The following NUP205 variants were observed in gnomAD, a reference collection of about 807,000 sequenced individuals.
NUP205 encodes the protein nucleoporin 205.
In NUP205, 76 loss-of-function variants were observed where a neutral mutation model predicts 253.8. That is an observed-to-expected ratio of 0.30 (90% CI 0.25 to 0.36). The LOEUF (loss-of-function observed/expected upper bound fraction) is 0.36, where lower values mean the gene tolerates loss of function less well. NUP205 is among the 10% of genes least tolerant of loss of function. NUP205 has a pLI of 1.00. For missense variants in NUP205, 2,162 were observed against 2,425.5 expected (o/e 0.89, Z 2.28); for synonymous variants, 832 against 850.1 (o/e 0.98, Z 0.37).
chr7:135,646,773 G>C (rs999865761), intron 42 of NUP205, among the ~76,000 whole-genome samples: 1 of 152,126 alleles, frequency 6.6e-6, no homozygotes, highest in African/African-American at 2.4e-5. Flanking sequence ...AGCCTCAATT[G>C]CTTCATCTAA....
At chr7:135,603,111 A>ATT in intron 18 of NUP205, 117 bp downstream of exon 18, 1 of 485,910 alleles carries the variant, frequency 2.1e-6, no homozygotes, top group Non-Finnish European at 3.1e-6. Flanking sequence ...GCCTCATTTT[A>ATT]CTTTTTTTTT....
chr7:135,572,540 CTTG>C lies in NUP205; in HGVS notation c.172-1108_172-1106del, dbSNP rs1163382966. Among the ~76,000 whole-genome samples the C allele has an allele frequency of 9.2e-5, 14 of 152,172 alleles. No homozygotes were observed. In the East Asian group the frequency reaches 2.3e-3, roughly 25 times the overall value. On this transcript the variant is annotated intron_variant, in intron 2 of 42. Transcript: ENST00000285968. The stretch of plus-strand genomic sequence containing the variant: ...GGATTCAAACTTGGAAAATGCTTTT[CTTG>C]TTGTTTGGCACTTTTCCTTTGCGTG...
chr7:135,622,747 G>T, intron 30 of NUP205, 30 bp from the exon 31 acceptor site: 1 of 1,607,440 alleles, frequency 6.2e-7, no homozygotes, highest in Non-Finnish European at 8.5e-7. Context: ...CTTTTTACTG[G>T]AGTGTTTTTT....
chr7:135,636,658 T>G (rs958954155), intron 36 of NUP205, among the ~76,000 whole-genome samples: 2 of 152,164 alleles, frequency 1.3e-5, no homozygotes, highest in African/African-American at 4.8e-5. Flanking sequence ...TAGATAGAAC[T>G]ATTTTGGCAA....
At chr7:135,581,020 ATAGT>A (rs1340140944) in intron 7 of NUP205, among the ~76,000 whole-genome samples, 1 of 152,124 alleles carries the variant, frequency 6.6e-6, no homozygotes, top group Non-Finnish European at 1.5e-5. Context: ...ATAAGCTTTA[ATAGT>A]TAGGGGTATT....
At chr7:135,561,089 A>G (rs1805568534) in intron 1 of NUP205, among the ~76,000 whole-genome samples, 1 of 152,200 alleles carries the variant, frequency 6.6e-6, no homozygotes, top group African/African-American at 2.4e-5. Context: ...TTATGCCTGT[A>G]ATCCCAGCAC....
At chr7:135,607,890 C>A (rs2129490770) in intron 22 of NUP205, among the ~76,000 whole-genome samples, 1 of 152,192 alleles carries the variant, frequency 6.6e-6, no homozygotes, top group East Asian at 1.9e-4. Context: ...CAGCCTCAAC[C>A]TCCCCTGGAT....
At chr7:135,561,531 T>G (rs1805579807) in intron 1 of NUP205, among the ~76,000 whole-genome samples, 1 of 152,228 alleles carries the variant, frequency 6.6e-6, no homozygotes, top group Non-Finnish European at 1.5e-5. Context: ...CAGCAGTGAC[T>G]ACTTCAGACC....
Position 135,606,979 on chromosome 7 carries a change from T to G in NUP205, c.3070+64T>G, listed in dbSNP as rs972502211. The G allele has an allele frequency of 4.1e-6, 6 of 1,472,300 alleles. No individual in the cohort carries two copies. In the African/African-American group the frequency reaches 8.4e-5, roughly 21 times the overall value. 91.2% of individuals were successfully genotyped at this position (1,472,300 alleles called of 1,614,324 possible). On this transcript the variant is annotated intron_variant, in intron 21 of 42. Coordinates refer to ENST00000285968, the MANE Select transcript of NUP205 (RefSeq NM_015135.3). ...ATTTGTGTATCTCAGGGGTCACTGA[T>G]TGCATTCTGGGCTCATGGGATAATT...
chr7:135,562,997 ATG>A (rs1172720799), intron 1 of NUP205, among the ~76,000 whole-genome samples: 1 of 152,024 alleles, frequency 6.6e-6, no homozygotes, highest in African/African-American at 2.4e-5. Flanking sequence ...CCTGGAATGC[ATG>A]TCTTCACCTC....
chr7:135,565,771 C>A (rs78644281), intron 1 of NUP205, among the ~76,000 whole-genome samples: 3,819 of 152,302 alleles, frequency 0.025, 79 homozygotes, highest in South Asian at 0.077. Context: ...ATCAACCACA[C>A]TAGAACACCA....
At chr7:135,640,266 A>G (rs1794895296) in intron 38 of NUP205, among the ~76,000 whole-genome samples, 1 of 152,242 alleles carries the variant, frequency 6.6e-6, no homozygotes, top group African/African-American at 2.4e-5. Context: ...ATTCAACCTT[A>G]TCCTATATAA....
chr7:135,574,938 A>G (rs1806111632), intron 3 of NUP205, among the ~76,000 whole-genome samples: 1 of 152,208 alleles, frequency 6.6e-6, no homozygotes, highest in South Asian at 2.1e-4. Context: ...GCCTGCACTA[A>G]AAGAAGTATG....
At position 135,577,977 on chromosome 7, in the gene NUP205, A is replaced by G; in HGVS notation, c.830A>G (p.Tyr277Cys). ...VNLALLMALLYCFDISFIEQS... is the reference protein window; with the variant it reads ...VNLALLMALLCCFDISFIEQS... ...CTGGCTCTTCTTATGGCGCTTCTATACTGTTTTGATATCAGTTTTATAGAG... is the reference window on the plus strand; with the variant it reads ...CTGGCTCTTCTTATGGCGCTTCTATGCTGTTTTGATATCAGTTTTATAGAG... Residue 277 changes from tyrosine (Y) to cysteine (C), a missense_variant, in exon 6 of 43, where the codon TAC (tyrosine) becomes TGC (cysteine). This residue lies in a region of NUP205 where 892 missense variants were observed against 957.1 expected (regional missense o/e 0.93). Coordinates refer to ENST00000285968, the MANE Select transcript of NUP205 (RefSeq NM_015135.3). 6.2e-7 allele frequency: 1 copy of G among 1,614,020 alleles called. No homozygotes were observed. Among genetic ancestry groups the G allele is most frequent in the Admixed American group, 1.7e-5 (1 of 60,002 alleles).
intron 33 of NUP205, 116 bp from the exon 34 acceptor site, chr7:135,627,857 A>T: frequency 1.0e-6 from 1 of 974,550 alleles, no homozygotes; most frequent in Non-Finnish European, 1.6e-6. Flanking sequence ...AGTACTCACT[A>T]GTTGATTCAC....
rs1454000934 is a variant in NUP205, at chr7:135,557,919, A to G, written c.-26A>G. Reference sequence around the variant, plus strand: ...CTTTCCCGGGGCCTCCATGCGGCAGAAGGGCTCTGTTAGTGCGCCTCTAAG... The same window carrying G: ...CTTTCCCGGGGCCTCCATGCGGCAGGAGGGCTCTGTTAGTGCGCCTCTAAG... On this transcript the variant is annotated 5_prime_UTR_variant, in exon 1 of 43. Coordinates refer to ENST00000285968, the MANE Select transcript of NUP205 (RefSeq NM_015135.3). 1 of 1,612,376 alleles carries G rather than the reference A, an allele frequency of 6.2e-7. No homozygotes were observed. Among genetic ancestry groups the G allele is most frequent in the South Asian group, 1.1e-5 (1 of 91,054 alleles).
At chr7:135,579,287 C>T (rs1443009381) in intron 7 of NUP205, among the ~76,000 whole-genome samples, 9 of 151,566 alleles carry the variant, frequency 5.9e-5, no homozygotes, top group South Asian at 2.1e-4. Flanking sequence ...CTCTGCCCCC[C>T]GGGTTCAAGC....
At position 135,639,999 on chromosome 7, in the gene NUP205, G is replaced by T. The variant is rs112224907; in HGVS notation, c.5392+1316G>T. On this transcript the variant is annotated intron_variant, in intron 38 of 42. Coordinates refer to ENST00000285968, the MANE Select transcript of NUP205 (RefSeq NM_015135.3). ...CACATGTTCTCACTCATAAGTGGAA[G>T]TTGAACAATGAGAACACATGGACAC... is the stretch of plus-strand genomic sequence containing the variant. 5.6e-3 allele frequency among the ~76,000 whole-genome samples: 848 copies of T among 152,256 alleles called. 14 individuals carry two copies. Among genetic ancestry groups the T allele is most frequent in the East Asian group, 0.051 (265 of 5,168 alleles).
At chr7:135,574,003 C>T (rs868414449) in intron 3 of NUP205, among the ~76,000 whole-genome samples, 178 bp downstream of exon 3, 3 of 151,842 alleles carry the variant, frequency 2.0e-5, no homozygotes, top group Non-Finnish European at 2.9e-5. Context: ...GACAGAGTCT[C>T]GCTCTGTTGC....
Sources: allele counts gnomAD v4.1 joint callset (sites outside exome capture counted in the v4.1 genomes callset), GRCh38; gene constraint gnomAD v4.1.1; regional missense constraint gnomAD v4.1.1; transcripts MANE v1.5; gene names NCBI Gene and HGNC (gene_info 2026-07-23, HGNC 2026-07-21).